Variants in IBSP observed in about 807,000 individuals in gnomAD.
IBSP encodes integrin-binding sialoprotein.
In IBSP, 19 loss-of-function variants were observed where a neutral mutation model predicts 25.5. The ratio of observed to expected loss-of-function variants is 0.74; its 90% confidence interval spans 0.52 to 1.09. The LOEUF (loss-of-function observed/expected upper bound fraction) is 1.09. Among genes scored for constraint, IBSP ranks in the 50% least tolerant of loss-of-function variants. The pLI is 0.00. For missense variants in IBSP, 360 were observed against 382.3 expected (o/e 0.94, Z 0.49); for synonymous variants, 144 against 137.6 (o/e 1.05, Z -0.33).
At chr4:87,802,860 A>C in intron 4 of IBSP, 129 bp downstream of exon 4, 2 of 614,550 alleles carry the variant, frequency 3.3e-6, no homozygotes, top group Non-Finnish European at 5.4e-6. Context: ...TTACTATAAG[A>C]AGTTTGTTTT....
At chr4:87,810,858 G>T in intron 6 of IBSP, 94 bp downstream of exon 6, 1 of 1,087,012 alleles carries the variant, frequency 9.2e-7, no homozygotes, top group Non-Finnish European at 1.3e-6. Flanking sequence ...TGGAGTCTAA[G>T]GGTATCCTAA....
intron 5 of IBSP, among the ~76,000 whole-genome samples, chr4:87,809,338 A>T (rs1578044433): frequency 6.6e-6 from 1 of 152,170 alleles, no homozygotes; most frequent in South Asian, 2.1e-4. Context: ...TTTAGTTGTG[A>T]CCCTACCACC....
chr4:87,800,684 T>C (rs2110055352), intron 1 of IBSP, among the ~76,000 whole-genome samples: 1 of 152,168 alleles, frequency 6.6e-6, no homozygotes, highest in East Asian at 1.9e-4. Context: ...ACCCAAAGAC[T>C]CACTCTGACA....
Position 87,811,512 on chromosome 4 carries a change from G to C in IBSP, c.556G>C (p.Ala186Pro). The C allele has an allele frequency of 6.2e-7, 1 of 1,613,926 alleles. No homozygotes were observed. Among genetic ancestry groups the C allele is most frequent in the Non-Finnish European group, 8.5e-7 (1 of 1,179,950 alleles). Residue 186 changes from alanine (A) to proline (P), a missense_variant, in exon 7 of 7, where the codon GCA becomes CCA. Coordinates refer to ENST00000226284, the MANE Select transcript of IBSP (RefSeq NM_004967.4). ...INGTSTNSTE[A>P]ENGNGSSGGD... ...CGGCACCAGTACCAACAGCACAGAG[G>C]CAGAAAACGGCAACGGCAGCAGCGG...
intron 4 of IBSP, among the ~76,000 whole-genome samples, chr4:87,805,442 T>C (rs2061713): frequency 0.79 from 119,714 of 152,142 alleles, 47,567 homozygotes; most frequent in African/African-American, 0.89. Flanking sequence ...AGTCATAAGA[T>C]TTTTACTTCA....
rs367629662 is a variant in IBSP at position 87,810,714 on chromosome 4, A to G, written c.355A>G (p.Thr119Ala). The change falls in exon 6 of 7, where the codon ACG becomes GCG. Residue 119 changes from threonine (T) to alanine (A), a missense_variant. Transcript: ENST00000226284. ...AACACTGGGCTATGGAGAGGACGCCACGCCTGGCACAGGGTATACAGGGTT... is the reference window on the plus strand; with the variant it reads ...AACACTGGGCTATGGAGAGGACGCCGCGCCTGGCACAGGGTATACAGGGTT... Reference protein sequence around the residue: ...ATTLGYGEDATPGTGYTGLAA... With the variant: ...ATTLGYGEDAAPGTGYTGLAA... 19 of 1,614,076 alleles carry G rather than the reference A, an allele frequency of 1.2e-5. No individual in the cohort carries two copies. Among genetic ancestry groups the G allele is most frequent in the Non-Finnish European group, 1.5e-5 (18 of 1,179,928 alleles).
In IBSP at chr4:87,811,902, C is replaced by A. The variant is rs781263479; in HGVS notation, c.946C>A (p.His316Asn). 5.1e-5 allele frequency: 78 copies of A among 1,517,870 alleles called. No individual in the cohort carries two copies. The highest frequency in any genetic ancestry group is 6.4e-5 in the Non-Finnish European group (73 of 1,134,052). The allele number at this position is 1,517,870 out of a possible 1,614,324, so 94.0% of individuals were successfully genotyped here. Residue 316 changes from histidine (H) to asparagine (N), a missense_variant, in exon 7 of 7, where the codon CAC (histidine) becomes AAC (asparagine). Coordinates refer to ENST00000226284, the MANE Select transcript of IBSP (RefSeq NM_004967.4). Reference protein sequence around the residue: ...DGYDGQNYYHHQ With the variant: ...DGYDGQNYYHNQ ...CTATGATGGTCAGAATTACTACCAC[C>A]ACCAGTGAAGCTCCAGCCTGGGATG... is the stretch of plus-strand genomic sequence containing the variant.
At chr4:87,802,624 A>C (rs1722036961) in intron 3 of IBSP, 30 bp from the exon 4 acceptor site, 3 of 1,566,752 alleles carry the variant, frequency 1.9e-6, no homozygotes, top group South Asian at 1.2e-5. Context: ...CATATTAAAC[A>C]TGAATATATC....
chr4:87,807,158 T>C (rs2110057417), intron 5 of IBSP, among the ~76,000 whole-genome samples: 1 of 152,330 alleles, frequency 6.6e-6, no homozygotes, highest in Middle Eastern at 3.4e-3. Context: ...TGTGCTACCA[T>C]GTTTATAACT....
chr4:87,807,237 C>G (rs1242237596), intron 5 of IBSP, among the ~76,000 whole-genome samples: 1 of 152,130 alleles, frequency 6.6e-6, no homozygotes, highest in Non-Finnish European at 1.5e-5. Flanking sequence ...ATAGCTACCA[C>G]TGGTTTAGGA....
At chr4:87,810,839 C>G (rs965009234) in intron 6 of IBSP, 75 bp downstream of exon 6, 1 of 1,359,820 alleles carries the variant, frequency 7.4e-7, no homozygotes, top group Non-Finnish European at 1.0e-6. Context: ...CTTTTTTAAA[C>G]TTTTTAACTG....
chr4:87,800,767 A>G (rs1333900866), intron 1 of IBSP, among the ~76,000 whole-genome samples: 2 of 152,220 alleles, frequency 1.3e-5, no homozygotes. Context: ...GTAAGGATGC[A>G]ATAAATCTTG....
Position 87,806,143 on chromosome 4 carries a change from G to GA in IBSP, c.209dup (p.Asn70LysfsTer4). On this transcript the variant is annotated frameshift_variant, in exon 5 of 7. Coordinates refer to ENST00000226284, the MANE Select transcript of IBSP (RefSeq NM_004967.4). LOFTEE classifies it high-confidence loss of function. ...TTAGGGCAGTAGTGACTCATCCGAA[G>GA]AAAATGGAGATGACAGTTCAGAAGA... 1 of 1,611,884 alleles carries GA rather than the reference G, an allele frequency of 6.2e-7. No individual in the cohort carries two copies. The highest frequency in any genetic ancestry group is 8.5e-7 in the Non-Finnish European group (1 of 1,179,190).
chr4:87,811,991 T>C lies in IBSP; in HGVS notation c.*81T>C, dbSNP rs1722186119. ...CGAAGTTCAACTCAGGAAGGTGCAA[T>C]ATAACAAATGTGCATATTATAATGA... On this transcript the variant is annotated 3_prime_UTR_variant, in exon 7 of 7. Transcript: ENST00000226284. 5.4e-6 allele frequency: 6 copies of C among 1,109,812 alleles called. No individual in the cohort carries two copies. The highest frequency in any genetic ancestry group is 7.7e-6 in the Non-Finnish European group (6 of 774,264). The allele number at this position is 1,109,812 out of a possible 1,614,324, so 68.7% of individuals were successfully genotyped here. A position where few individuals can be genotyped will look rare whatever the true frequency, so the allele number is the denominator to read the frequency against.
chr4:87,811,248 AT>A lies in IBSP; in HGVS notation c.406-112del, dbSNP rs1246482012. ...CATTTTGTAAATTAAAGTGGCCTTA[AT>A]TCAAATAAGACGCCTAGAATAAGGC... On this transcript the variant is annotated intron_variant, in intron 6 of 6. Transcript: ENST00000226284. The A allele has an allele frequency of 2.7e-5, 34 of 1,236,434 alleles. No homozygotes were observed. In the East Asian group the frequency reaches 7.6e-4, roughly 28 times the overall value. The allele number at this position is 1,236,434 out of a possible 1,614,324, so 76.6% of individuals were successfully genotyped here.
intron 5 of IBSP, among the ~76,000 whole-genome samples, chr4:87,807,214 C>G (rs1023400665): frequency 1.3e-5 from 2 of 152,014 alleles, no homozygotes; most frequent in South Asian, 4.1e-4. Context: ...GCATCTTTCC[C>G]GCATAGTCAA....
Position 87,810,695 on chromosome 4 carries a change from G to A in IBSP, c.336G>A (p.Leu112=), listed in dbSNP as rs764932762. 1.2e-6 allele frequency: 2 copies of A among 1,613,758 alleles called. No individual in the cohort carries two copies. The highest frequency in any genetic ancestry group is 2.2e-5 in the South Asian group (2 of 91,064). Residue 112 remains leucine (L), a synonymous_variant, in exon 6 of 7, where the codon CTG becomes CTA. Coordinates refer to ENST00000226284, the MANE Select transcript of IBSP (RefSeq NM_004967.4). ...ATACCACACTTTCTGCTACAACACT[G>A]GGCTATGGAGAGGACGCCACGCCTG... is the stretch of plus-strand genomic sequence containing the variant. The part of the protein sequence containing the change: ...AENTTLSATT[L]GYGEDATPGT...
At chr4:87,806,008 T>A (rs1040534098) in intron 4 of IBSP, 114 bp from the exon 5 acceptor site, 1 of 789,438 alleles carries the variant, frequency 1.3e-6, no homozygotes, top group African/African-American at 1.8e-5. Context: ...ACTAATTAGA[T>A]TGAGTAAATA....
Position 87,812,148 on chromosome 4 carries a change from T to A in IBSP, c.*238T>A, listed in dbSNP as rs898003228. Reference sequence around the variant, plus strand: ...ACCATTTATCAAGCAGTACACCAACTCATAAGATCAAATTTCATTGAATGG... The same window carrying A: ...ACCATTTATCAAGCAGTACACCAACACATAAGATCAAATTTCATTGAATGG... On this transcript the variant is annotated 3_prime_UTR_variant, in exon 7 of 7. Transcript: ENST00000226284. 1 of 398,430 alleles carries A rather than the reference T, an allele frequency of 2.5e-6. No individual in the cohort carries two copies. Among genetic ancestry groups the A allele is most frequent in the African/African-American group, 2.1e-5 (1 of 48,420 alleles). The allele number at this position is 398,430 out of a possible 1,614,324, so 24.7% of individuals were successfully genotyped here.
Sources: gnomAD v4.1 joint callset for allele counts (sites outside exome capture counted in the v4.1 genomes callset) on GRCh38, gnomAD v4.1.1 for gene constraint, MANE v1.5 for transcripts, NCBI Gene and HGNC (gene_info 2026-07-23, HGNC 2026-07-21) for gene names.